The following IGFALS variants were observed in gnomAD, a reference collection of about 807,000 sequenced individuals.
IGFALS encodes the protein insulin-like growth factor-binding protein complex acid labile subunit.
IGFALS carries 2 observed loss-of-function variants against 2.6 expected under a neutral mutation model. The ratio of observed to expected loss-of-function variants is 0.77; its 90% confidence interval spans 0.32 to 2.44. The LOEUF (loss-of-function observed/expected upper bound fraction) is 2.44. Among genes scored for constraint, IGFALS ranks in the 30% most tolerant of loss-of-function variants. The pLI is 0.11. For synonymous variants in IGFALS, 519 were observed against 431.9 expected, an observed-to-expected ratio of 1.20 and a Z score of -2.50; for missense variants, 996 against 848.7, an observed-to-expected ratio of 1.17 and a Z score of -2.16.
rs1897237705 is a variant in IGFALS, at chr16:1,791,935, C to T, written c.483G>A (p.Leu161=). ...LGLSNNRLSR[L]EDGLFEGLGS... ...CGAGGCCCTCGAAGAGCCCGTCCTC[C>T]AGCCTGCTCAGACGGTTGTTGCTGA... The change falls in exon 2 of 2, where the codon CTG becomes CTA. Residue 161 remains leucine, a synonymous_variant. Transcript: ENST00000215539. The T allele has an allele frequency of 6.3e-7, 1 of 1,587,436 alleles. No homozygotes were observed. The highest frequency in any genetic ancestry group is 8.6e-7 in the Non-Finnish European group (1 of 1,168,866).
chr16:1,793,564 C>A, intron 1 of IGFALS, 73 bp downstream of exon 1: 2 of 1,461,936 alleles, frequency 1.4e-6, no homozygotes. Context: ...GCTACCCCGG[C>A]CTCTCCCCAG....
At chr16:1,794,179 T>C (rs2142014270), upstream of IGFALS, among the ~76,000 whole-genome samples, 1 of 152,078 alleles carries the variant, frequency 6.6e-6, no homozygotes, top group Admixed American at 6.5e-5. Flanking sequence ...CCACCCGCCC[T>C]CCCGGGGGTT....
chr16:1,794,029 G>A (rs962177385), upstream of IGFALS, among the ~76,000 whole-genome samples: 1 of 152,130 alleles, frequency 6.6e-6, no homozygotes, highest in Admixed American at 6.5e-5. Context: ...GGTTTGGGGA[G>A]CCCAGGGTTT....
chr16:1,792,945 G>A (rs1897266497), intron 1 of IGFALS, among the ~76,000 whole-genome samples: 2 of 152,240 alleles, frequency 1.3e-5, no homozygotes, highest in Admixed American at 6.5e-5. Context: ...GTCGGGTGCT[G>A]CGGGAGGGGA....
chr16:1,791,453 C>T lies in IGFALS; in HGVS notation c.965G>A (p.Gly322Asp), dbSNP rs1016260147. ...AGCCAGCTGCCGGATGCGGTTGTGG[C>T]CCAGCTGCAGCTCCTCCAGGAAGTG... ...DLHFLEELQL[G>D]HNRIRQLAER... The change falls in exon 2 of 2, where the codon GGC becomes GAC. Residue 322 changes from glycine (G) to aspartate (D), a missense_variant. Physicochemically the swap from Gly to Asp is moderately conservative, Grantham distance 94 (BLOSUM62 -1). Transcript: ENST00000215539. 3 of 1,612,302 alleles carry T rather than the reference C, an allele frequency of 1.9e-6. No individual in the cohort carries two copies. The highest frequency in any genetic ancestry group is 2.5e-6 in the Non-Finnish European group (3 of 1,179,902).
In IGFALS at chr16:1,792,165, T is replaced by G. The variant is rs1018818474; in HGVS notation, c.253A>C (p.Asn85His). 1 of 1,611,374 alleles carries G rather than the reference T, an allele frequency of 6.2e-7. No homozygotes were observed. The highest frequency in any genetic ancestry group is 8.5e-7 in the Non-Finnish European group (1 of 1,179,680). The change falls in exon 2 of 2, where the codon AAC (asparagine) becomes CAC (histidine). Residue 85 changes from asparagine to histidine, a missense_variant. Physicochemically the swap from Asn to His is moderately conservative, Grantham distance 68. Transcript: ENST00000215539. ...GCTGCCGGGGGGACGGACGAGAGGTTGTTGCCGTCCAGCCACAGGGCTTGG... is the reference window on the plus strand; with the variant it reads ...GCTGCCGGGGGGACGGACGAGAGGTGGTTGCCGTCCAGCCACAGGGCTTGG... ...GTQALWLDGN[N>H]LSSVPPAAFQ...
At chr16:1,792,554 CG>C in intron 1 of IGFALS, 153 bp from the exon 2 acceptor site, 1 of 1,391,120 alleles carries the variant, frequency 7.2e-7, no homozygotes, top group African/African-American at 1.5e-5. Flanking sequence ...ACAGGTCCTC[CG>C]GCTCAAAAGC....
chr16:1,792,207 C>T lies in IGFALS; in HGVS notation c.211G>A (p.Gly71Arg), dbSNP rs781674073. 30 of 1,609,976 alleles carry T rather than the reference C, an allele frequency of 1.9e-5. No individual in the cohort carries two copies. Among genetic ancestry groups the T allele is most frequent in the African/African-American group, 2.7e-5 (2 of 74,910 alleles). Residue 71 changes from glycine to arginine, a missense_variant, in exon 2 of 2, where the codon GGA becomes AGA. Gly to Arg is a moderately radical substitution (Grantham distance 125). Transcript: ENST00000215539. ...AGGGCTTGGGTGCCGCCCGGGACTC[C>T]ATCAGGCAGGCGCGTGAGGTTCCTG... ...SSRNLTRLPD[G>R]VPGGTQALWL... is the part of the protein sequence containing the mutation.
At chr16:1,793,290 G>A (rs1897271931) in intron 1 of IGFALS, among the ~76,000 whole-genome samples, 1 of 152,092 alleles carries the variant, frequency 6.6e-6, no homozygotes, top group Non-Finnish European at 1.5e-5. Flanking sequence ...GTGAGCCAAC[G>A]TCTCCTGCCT....
rs1176312487 is a variant in IGFALS at position 1,791,049 on chromosome 16, G to A, written c.1369C>T (p.Leu457=). 3.1e-6 allele frequency: 5 copies of A among 1,598,620 alleles called. No individual in the cohort carries two copies. Among genetic ancestry groups the A allele is most frequent in the Middle Eastern group, 1.7e-4 (1 of 5,946 alleles). The change falls in exon 2 of 2, where the codon CTG becomes TTG. Residue 457 remains leucine (L), a synonymous_variant. Transcript: ENST00000215539. ...THLPHRLFQG[L]GKLEYLLLSR... Reference sequence around the variant, plus strand: ...AGCAGCAGGTACTCCAGCTTGCCCAGGCCCTGGAAGAGGCGGTGGGGCAGG... The same window carrying A: ...AGCAGCAGGTACTCCAGCTTGCCCAAGCCCTGGAAGAGGCGGTGGGGCAGG...
In IGFALS at chr16:1,791,019, G is replaced by A. The variant is rs373710655; in HGVS notation, c.1399C>T (p.Arg467Cys). ...LGKLEYLLLSRNRLAELPADA... is the reference protein window; with the variant it reads ...LGKLEYLLLSCNRLAELPADA... ...GCCGGCAGCTCTGCCAGGCGGTTGCGGGAGAGCAGCAGGTACTCCAGCTTG... is the reference window on the plus strand; with the variant it reads ...GCCGGCAGCTCTGCCAGGCGGTTGCAGGAGAGCAGCAGGTACTCCAGCTTG... The change falls in exon 2 of 2, where the codon CGC becomes TGC. Residue 467 changes from arginine to cysteine, a missense_variant. Physicochemically the swap from Arg to Cys is radical, Grantham distance 180. Transcript: ENST00000215539. 5.3e-5 allele frequency: 84 copies of A among 1,598,170 alleles called. No homozygotes were observed. In the African/African-American group the frequency reaches 7.7e-4, roughly 15 times the overall value.
Position 1,790,593 on chromosome 16 carries a change from G to T in IGFALS, c.*7C>A. On this transcript the variant is annotated 3_prime_UTR_variant, in exon 2 of 2. Transcript: ENST00000215539. ...CCTGAGTCCGGGGCTTGAGTCCGGG[G>T]ACCTGGTCAGCAGGGAGCAAAGTGG... 1.9e-6 allele frequency: 3 copies of T among 1,560,296 alleles called. No homozygotes were observed. Among genetic ancestry groups the T allele is most frequent in the Non-Finnish European group, 2.6e-6 (3 of 1,152,876 alleles).
In IGFALS at chr16:1,791,432, A is replaced by G; in HGVS notation, c.986T>C (p.Leu329Pro). Residue 329 changes from leucine (L) to proline (P), a missense_variant, in exon 2 of 2, where the codon CTG becomes CCG. By Grantham distance (98) the Leu-to-Pro change is moderately conservative (BLOSUM62 -3). Coordinates refer to ENST00000215539, the MANE Select transcript of IGFALS (RefSeq NM_004970.3). ...LQLGHNRIRQ[L>P]AERSFEGLGQ... ...CAGGCCCTCAAAGCTGCGCTCAGCC[A>G]GCTGCCGGATGCGGTTGTGGCCCAG... 6.2e-7 allele frequency: 1 copy of G among 1,612,352 alleles called. No individual in the cohort carries two copies. Among genetic ancestry groups the G allele is most frequent in the South Asian group, 1.1e-5 (1 of 91,090 alleles).
In IGFALS at chr16:1,791,473, GA is replaced by G; in HGVS notation, c.944del (p.Phe315SerfsTer31). 4.3e-6 allele frequency: 7 copies of G among 1,612,282 alleles called. No individual in the cohort carries two copies. Among genetic ancestry groups the G allele is most frequent in the Non-Finnish European group, 5.9e-6 (7 of 1,179,848 alleles). On this transcript the variant is annotated frameshift_variant, in exon 2 of 2. Coordinates refer to ENST00000215539, the MANE Select transcript of IGFALS (RefSeq NM_004970.3). LOFTEE classifies it low-confidence loss of function (END_TRUNC). ...TGTGGCCCAGCTGCAGCTCCTCCAG[GA>G]AGTGCAGGTCCTTGAAGGTGCGGGG... Reference protein sequence around the residue: ...LRPRTFKDLHFLEELQLGHNR... With the variant: ...LRPRTFKDLHXLEELQLGHNR...
chr16:1,793,421 G>A (rs1471713959), intron 1 of IGFALS, among the ~76,000 whole-genome samples: 1 of 152,086 alleles, frequency 6.6e-6, no homozygotes, highest in African/African-American at 2.4e-5. Context: ...TAGGGTGGAG[G>A]ACGGGACAGA....
Position 1,791,778 on chromosome 16 carries a change from A to G in IGFALS, c.640T>C (p.Phe214Leu). The G allele has an allele frequency of 2.6e-6, 4 of 1,548,828 alleles. No homozygotes were observed. Among genetic ancestry groups the G allele is most frequent in the Non-Finnish European group, 3.5e-6 (4 of 1,150,528 alleles). ...NRLAYLQPAL[F>L]SGLAELRELD... ...TCCCGGAGCTCGGCCAGGCCGCTGA[A>G]GAGCGCGGGCTGCAGGTAGGCCAGC... The change falls in exon 2 of 2, where the codon TTC becomes CTC. Residue 214 changes from phenylalanine (F) to leucine (L), a missense_variant. Coordinates refer to ENST00000215539, the MANE Select transcript of IGFALS (RefSeq NM_004970.3).
At chr16:1,794,209 G>C (rs985400254), upstream of IGFALS, among the ~76,000 whole-genome samples, 3 of 152,134 alleles carry the variant, frequency 2.0e-5, no homozygotes, top group Non-Finnish European at 4.4e-5. Context: ...CTGGGTGGGA[G>C]CTGCCGTTTG....
intron 1 of IGFALS, 104 bp downstream of exon 1, chr16:1,793,533 C>A (rs1477523631): frequency 9.1e-7 from 1 of 1,097,622 alleles, no homozygotes; most frequent in East Asian, 2.8e-5. Context: ...CAGAGCTGAG[C>A]CCCCCAGAGC....
chr16:1,793,819 G>A (rs567147645), upstream of IGFALS: 168 of 601,332 alleles, frequency 2.8e-4, no homozygotes, highest in South Asian at 5.7e-4. Flanking sequence ...CCGGGCGGCC[G>A]GCATCAGCCC....
Sources: gnomAD v4.1 joint callset for allele counts (sites outside exome capture counted in the v4.1 genomes callset) on GRCh38, gnomAD v4.1.1 for gene constraint, MANE v1.5 for transcripts, NCBI Gene and HGNC (gene_info 2026-07-23, HGNC 2026-07-21) for gene names.